IL15: variants seen among roughly 807,000 people sequenced by gnomAD.
IL15 encodes the protein interleukin-15.
In IL15, 11 loss-of-function variants were observed where a neutral mutation model predicts 19.6. The ratio of observed to expected loss-of-function variants is 0.56; its 90% CI spans 0.35 to 0.93. IL15 has a LOEUF of 0.93. IL15 is among the 40% of genes least tolerant of loss of function. IL15 has a pLI of 0.01. For synonymous variants in IL15, 58 were observed against 59.6 expected, an observed-to-expected ratio of 0.97 and a Z score of 0.12; for missense variants, 197 against 186.5, an observed-to-expected ratio of 1.06 and a Z score of -0.33.
chr4:141,694,337 G>C (rs1310682753), intron 2 of IL15, among the ~76,000 whole-genome samples: 1 of 152,188 alleles, frequency 6.6e-6, no homozygotes, highest in African/African-American at 2.4e-5. Context: ...ATTAAGGGTT[G>C]GTTCTCTTGA....
intron 2 of IL15, among the ~76,000 whole-genome samples, chr4:141,694,045 G>C (rs550247276): frequency 6.6e-6 from 1 of 152,308 alleles, no homozygotes; most frequent in Non-Finnish European, 1.5e-5. Context: ...TGTTGAGAAA[G>C]TTTAAAAAGG....
intron 2 of IL15, among the ~76,000 whole-genome samples, chr4:141,671,548 G>C (rs536428737): frequency 6.6e-6 from 1 of 151,930 alleles, no homozygotes; most frequent in African/African-American, 2.4e-5. Flanking sequence ...GTCTTGTTTG[G>C]GCTCATTCGA....
chr4:141,645,994 A>G (rs746357467), intron 1 of IL15, among the ~76,000 whole-genome samples: 11 of 152,082 alleles, frequency 7.2e-5, no homozygotes, highest in Non-Finnish European at 1.5e-4. Context: ...TGGAATTTCC[A>G]GACTTTAACA....
chr4:141,711,879 T>C (rs1186629439), intron 2 of IL15, among the ~76,000 whole-genome samples: 1 of 152,084 alleles, frequency 6.6e-6, no homozygotes, highest in Non-Finnish European at 1.5e-5. Context: ...CATTCTCACT[T>C]AGAACCTTGA....
chr4:141,690,434 A>G (rs1022369955), intron 2 of IL15, among the ~76,000 whole-genome samples: 3 of 152,162 alleles, frequency 2.0e-5, no homozygotes, highest in African/African-American at 4.8e-5. Context: ...CACTACCCTG[A>G]CATTTCAAAT....
At chr4:141,639,763 T>C (rs1578979940) in intron 1 of IL15, among the ~76,000 whole-genome samples, 1 of 152,230 alleles carries the variant, frequency 6.6e-6, no homozygotes, top group South Asian at 2.1e-4. Flanking sequence ...TACCCGTTGA[T>C]TACAGTAACT....
At chr4:141,641,100 T>C (rs1727027222) in intron 1 of IL15, among the ~76,000 whole-genome samples, 2 of 152,184 alleles carry the variant, frequency 1.3e-5, no homozygotes, top group Non-Finnish European at 2.9e-5. Context: ...AAGTAGTCCT[T>C]GCACACTGTT....
chr4:141,730,983 T>G (rs1020698778), intron 7 of IL15, among the ~76,000 whole-genome samples: 1 of 151,990 alleles, frequency 6.6e-6, no homozygotes, highest in Non-Finnish European at 1.5e-5. Flanking sequence ...GGACACAGGG[T>G]AGGGGCACTG....
At chr4:141,721,107 A>G in intron 4 of IL15, 1 of 1,515,728 alleles carries the variant, frequency 6.6e-7, no homozygotes, top group Non-Finnish European at 9.0e-7. Flanking sequence ...CTATAGTTAT[A>G]TAATCTGACT....
intron 6 of IL15, among the ~76,000 whole-genome samples, chr4:141,728,440 A>G (rs1172330441): frequency 6.6e-6 from 1 of 152,118 alleles, no homozygotes; most frequent in Non-Finnish European, 1.5e-5. Context: ...TCAGAAAAAG[A>G]TTCTAATTAT....
At chr4:141,709,667 T>G (rs1481178009) in intron 2 of IL15, among the ~76,000 whole-genome samples, 2 of 152,232 alleles carry the variant, frequency 1.3e-5, no homozygotes, top group African/African-American at 4.8e-5. Context: ...TTTGATAACT[T>G]ATTTTTCATA....
chr4:141,722,212 C>A (rs1730112744), intron 5 of IL15, among the ~76,000 whole-genome samples: 1 of 151,934 alleles, frequency 6.6e-6, no homozygotes, highest in South Asian at 2.1e-4. Context: ...TATAAGCGGC[C>A]CAGACGGATG....
intron 2 of IL15, among the ~76,000 whole-genome samples, chr4:141,663,372 G>A (rs1318271569): frequency 3.3e-5 from 5 of 152,158 alleles, no homozygotes; most frequent in Non-Finnish European, 7.3e-5. Context: ...AGATTAACAA[G>A]AGAAATGCAT....
At chr4:141,649,963 T>A (rs1418933573) in intron 1 of IL15, among the ~76,000 whole-genome samples, 1 of 152,102 alleles carries the variant, frequency 6.6e-6, no homozygotes. Flanking sequence ...TGTTTTACAT[T>A]TTGGGAGACG....
intron 2 of IL15, among the ~76,000 whole-genome samples, chr4:141,683,932 T>A (rs568786402): frequency 6.6e-6 from 1 of 152,324 alleles, no homozygotes; most frequent in East Asian, 1.9e-4. Context: ...GAGAGATTAA[T>A]AACTAGCTTT....
chr4:141,700,751 A>G (rs550130783), intron 2 of IL15, among the ~76,000 whole-genome samples: 5 of 152,334 alleles, frequency 3.3e-5, no homozygotes, highest in Admixed American at 3.3e-4. Context: ...CTCCATCCAG[A>G]GCACGATTTA....
At chr4:141,657,796 A>G (rs890674538) in intron 2 of IL15, among the ~76,000 whole-genome samples, 1 of 152,202 alleles carries the variant, frequency 6.6e-6, no homozygotes, top group Non-Finnish European at 1.5e-5. Context: ...TCTGAAAGGT[A>G]CTACCTGAGG....
chr4:141,653,699 A>G (rs536118124), intron 1 of IL15, among the ~76,000 whole-genome samples: 1 of 152,250 alleles, frequency 6.6e-6, no homozygotes, highest in African/African-American at 2.4e-5. Flanking sequence ...ATGTATTATA[A>G]TTTACTTAAG....
intron 1 of IL15, among the ~76,000 whole-genome samples, chr4:141,646,397 C>A (rs1309921527): frequency 6.6e-6 from 1 of 152,034 alleles, no homozygotes; most frequent in East Asian, 1.9e-4. Flanking sequence ...GTCTAAGAGT[C>A]TTTTACCTTG....
Sources: gnomAD v4.1 joint callset for allele counts (sites outside exome capture counted in the v4.1 genomes callset) on GRCh38, gnomAD v4.1.1 for gene constraint, MANE v1.5 for transcripts, NCBI Gene and HGNC (gene_info 2026-07-23, HGNC 2026-07-21) for gene names.